Variants in SLC37A2 observed in about 807,000 individuals in gnomAD.
SLC37A2 encodes glucose-6-phosphate exchanger SLC37A2.
A neutral mutation model predicts 70.7 loss-of-function variants in SLC37A2; 59 were observed. The observed-to-expected ratio is 0.83, with a 90% CI of 0.68 to 1.04. The LOEUF (loss-of-function observed/expected upper bound fraction) is 1.04. Ranked by LOEUF, SLC37A2 falls within the 50% of genes least tolerant of loss-of-function variation. The pLI is 0.00. For synonymous variants in SLC37A2, 257 were observed against 262.1 expected, an observed-to-expected ratio of 0.98 and a Z score of 0.19; for missense variants, 580 against 658.1, an observed-to-expected ratio of 0.88 and a Z score of 1.30.
At chr11:125,079,979 A>C (rs1357838771) in intron 6 of SLC37A2, among the ~76,000 whole-genome samples, 1 of 152,150 alleles carries the variant, frequency 6.6e-6, no homozygotes, top group Non-Finnish European at 1.5e-5. Flanking sequence ...TTTTTCTAAT[A>C]ATAGATTAAT....
rs138809865 is a variant in SLC37A2 at position 125,065,927 on chromosome 11, G to A, written c.59+2501G>A. Reference sequence around the variant, plus strand: ...TACTAAGTTCTTATGGGTTAATATAGCCTAAGAAGAAAGAGAAAGGTCTTC... The same window carrying A: ...TACTAAGTTCTTATGGGTTAATATAACCTAAGAAGAAAGAGAAAGGTCTTC... On this transcript the variant is annotated intron_variant, in intron 1 of 17. Coordinates refer to ENST00000403796, the MANE Select transcript of SLC37A2 (RefSeq NM_001145290.2). Among the ~76,000 whole-genome samples, 66 of 152,286 alleles carry A rather than the reference G, an allele frequency of 4.3e-4. 1 individual carries two copies. The highest frequency in any genetic ancestry group is 2.9e-3 in the East Asian group (15 of 5,190).
In SLC37A2 at chr11:125,080,908, C is replaced by T; in HGVS notation, c.694+128C>T. ...GACCAGCCGTGTGACTTTGGACAAT[C>T]TTTCAGAGCCTTTATTTTCTCATTT... On this transcript the variant is annotated intron_variant, in intron 7 of 17. Transcript: ENST00000403796. This position sits in a 1 kb window ranked among gnomAD's most constrained non-coding sequence, Gnocchi z 4.3. 1.6e-6 allele frequency: 1 copy of T among 639,854 alleles called. No homozygotes were observed. Among genetic ancestry groups the T allele is most frequent in the Non-Finnish European group, 2.3e-6 (1 of 435,056 alleles). 39.6% of individuals were successfully genotyped at this position (639,854 alleles called of 1,614,324 possible).
At chr11:125,086,408 G>C in intron 17 of SLC37A2, 1 of 714,432 alleles carries the variant, frequency 1.4e-6, no homozygotes, top group Non-Finnish European at 2.5e-6. Context: ...AGAGCATGGT[G>C]CTTGGGAAGT....
At chr11:125,085,876 C>T (rs1402153710) in intron 16 of SLC37A2, 78 bp from the exon 17 acceptor site, 27 of 1,406,358 alleles carry the variant, frequency 1.9e-5, no homozygotes, top group African/African-American at 7.1e-5. Context: ...TGCCAGTCCA[C>T]GGGTCACCCT....
chr11:125,088,207 G>A lies in SLC37A2; in HGVS notation c.*73G>A. 1 of 1,519,828 alleles carries A rather than the reference G, an allele frequency of 6.6e-7. No homozygotes were observed. The highest frequency in any genetic ancestry group is 8.9e-7 in the Non-Finnish European group (1 of 1,118,650). The allele number at this position is 1,519,828 out of a possible 1,614,324, so 94.1% of individuals were successfully genotyped here. ...CGTGCTCCCCATGGGCAAGACAATGGAAACTTCCACAAGCAGGGAAGGCAA... is the reference window on the plus strand; with the variant it reads ...CGTGCTCCCCATGGGCAAGACAATGAAAACTTCCACAAGCAGGGAAGGCAA... On this transcript the variant is annotated 3_prime_UTR_variant, in exon 18 of 18. Coordinates refer to ENST00000403796, the MANE Select transcript of SLC37A2 (RefSeq NM_001145290.2).
Position 125,063,908 on chromosome 11 carries a change from G to C in SLC37A2, c.59+482G>C, listed in dbSNP as rs563477049. 3.2e-4 allele frequency among the ~76,000 whole-genome samples: 49 copies of C among 152,308 alleles called. No individual in the cohort carries two copies. The highest frequency in any genetic ancestry group is 3.4e-3 in the Middle Eastern group (1 of 294). On this transcript the variant is annotated intron_variant, in intron 1 of 17. Transcript: ENST00000403796. This position sits in a 1 kb window ranked among gnomAD's most constrained non-coding sequence, Gnocchi z 5.4. ...CAAGGCCAGAACTCAGTGGTCCTGG[G>C]AGCTCGTCTCGAGGCCTTTCAGCAC...
chr11:125,085,008 G>A (rs1391432092), intron 13 of SLC37A2, 58 bp from the exon 14 acceptor site: 1 of 1,596,300 alleles, frequency 6.3e-7, no homozygotes, highest in East Asian at 2.2e-5. Context: ...CTCCTGCCTT[G>A]GGGTTGGGGC....
chr11:125,063,392 G>A lies in SLC37A2; in HGVS notation c.25G>A (p.Val9Ile). ...AATGCGGTCCTCCCTGGCTCCGGGA[G>A]TCTGGTTCTTCCGGGCCTTCTCCAG... MRSSLAPGVWFFRAFSRDS... is the reference protein window; with the variant it reads MRSSLAPGIWFFRAFSRDS... Residue 9 changes from valine (V) to isoleucine (I), a missense_variant, in exon 1 of 18, where the codon GTC (valine) becomes ATC (isoleucine). By Grantham distance (29) the Val-to-Ile change is conservative. Coordinates refer to ENST00000403796, the MANE Select transcript of SLC37A2 (RefSeq NM_001145290.2). This position sits in a 1 kb window ranked among gnomAD's most constrained non-coding sequence, Gnocchi z 5.4. 1 of 1,612,060 alleles carries A rather than the reference G, an allele frequency of 6.2e-7. No homozygotes were observed. The highest frequency in any genetic ancestry group is 8.5e-7 in the Non-Finnish European group (1 of 1,179,260).
At chr11:125,084,705 G>T in intron 12 of SLC37A2, 120 bp from the exon 13 acceptor site, 1 of 1,057,362 alleles carries the variant, frequency 9.5e-7, no homozygotes, top group Non-Finnish European at 1.4e-6. Context: ...GCATAGGCAG[G>T]GGAAAAGGAA....
At chr11:125,074,994 C>T (rs1724399541) in intron 1 of SLC37A2, among the ~76,000 whole-genome samples, 1 of 152,200 alleles carries the variant, frequency 6.6e-6, no homozygotes, top group African/African-American at 2.4e-5. Context: ...GGGGGAGAGT[C>T]ATGCTGTGTT....
intron 1 of SLC37A2, among the ~76,000 whole-genome samples, chr11:125,067,462 T>A (rs573716497): frequency 2.0e-4 from 31 of 152,344 alleles, no homozygotes; most frequent in African/African-American, 6.7e-4. Context: ...AATATTTAGA[T>A]AAATAATAAT....
intron 4 of SLC37A2, among the ~76,000 whole-genome samples, chr11:125,078,053 C>T (rs915479690): frequency 1.3e-5 from 2 of 152,198 alleles, no homozygotes; most frequent in Non-Finnish European, 2.9e-5. Flanking sequence ...TTACTCAGTC[C>T]AAGCTGAGCT....
At chr11:125,077,645 C>T (rs1342387744) in intron 4 of SLC37A2, 117 bp downstream of exon 4, 3 of 731,572 alleles carry the variant, frequency 4.1e-6, no homozygotes, top group Non-Finnish European at 6.6e-6. Context: ...GTACAATCCA[C>T]CCACAGCCAT....
chr11:125,076,765 G>C lies in SLC37A2; in HGVS notation c.68G>C (p.Gly23Ala). 1.2e-6 allele frequency: 2 copies of C among 1,614,080 alleles called. No homozygotes were observed. Among genetic ancestry groups the C allele is most frequent in the Non-Finnish European group, 1.7e-6 (2 of 1,179,990 alleles). The change falls in exon 2 of 18, where the codon GGC becomes GCC. Residue 23 changes from glycine (G) to alanine (A), a missense_variant. Coordinates refer to ENST00000403796, the MANE Select transcript of SLC37A2 (RefSeq NM_001145290.2). ...RAFSRDSWFR[G>A]LILLLTFLIY... ...GCTGTCCCTTCCTGCAGGTTCCGAG[G>C]CCTCATCCTGCTGCTGACCTTCCTA...
chr11:125,077,895 C>G (rs990548274), intron 4 of SLC37A2, among the ~76,000 whole-genome samples: 2 of 152,186 alleles, frequency 1.3e-5, no homozygotes, highest in Non-Finnish European at 2.9e-5. Flanking sequence ...CTGTTCCTTG[C>G]CAGGAATCCA....
intron 5 of SLC37A2, 66 bp downstream of exon 5, chr11:125,079,313 C>T: frequency 6.2e-7 from 1 of 1,601,964 alleles, no homozygotes; most frequent in Non-Finnish European, 8.5e-7. Flanking sequence ...GAGACCGCAG[C>T]TCACAGCGGG....
chr11:125,079,819 G>T, intron 6 of SLC37A2, 59 bp downstream of exon 6: 1 of 1,297,144 alleles, frequency 7.7e-7, no homozygotes, highest in South Asian at 1.2e-5. Flanking sequence ...GTCCTGAGCT[G>T]GTCACCGTGG....
chr11:125,083,914 C>G lies in SLC37A2; in HGVS notation c.1039+37C>G, dbSNP rs893169384. 6.2e-7 allele frequency: 1 copy of G among 1,600,714 alleles called. No individual in the cohort carries two copies. The highest frequency in any genetic ancestry group is 8.6e-7 in the Non-Finnish European group (1 of 1,167,952). On this transcript the variant is annotated intron_variant, in intron 11 of 17. Transcript: ENST00000403796. This position sits in a 1 kb window ranked among gnomAD's most constrained non-coding sequence, Gnocchi z 4.6. ...CCCTGCTCTGCCAGCAGGCTCCCTT[C>G]CCCTCTTTTCTTGTGGGGTGCAGGA...
chr11:125,066,351 A>G (rs1469300828), intron 1 of SLC37A2, among the ~76,000 whole-genome samples: 3 of 152,220 alleles, frequency 2.0e-5, no homozygotes, highest in African/African-American at 7.2e-5. Flanking sequence ...GTAGTGCACC[A>G]TGATCATGCC....
Sources: allele counts gnomAD v4.1 joint callset (sites outside exome capture counted in the v4.1 genomes callset), GRCh38; gene constraint gnomAD v4.1.1; non-coding constraint Gnocchi (gnomAD v3.1); transcripts MANE v1.5; gene names NCBI Gene and HGNC (gene_info 2026-07-23, HGNC 2026-07-21).